The following PKP4 variants were observed in gnomAD, a reference collection of about 807,000 sequenced individuals.
PKP4 encodes the protein plakophilin-4.
In PKP4, 90 loss-of-function variants were observed where a neutral mutation model predicts 145.1. The observed-to-expected ratio is 0.62, with a 90% CI of 0.52 to 0.74. The LOEUF (loss-of-function observed/expected upper bound fraction) is 0.74. Ranked by LOEUF, PKP4 falls within the 30% of genes least tolerant of loss-of-function variation. PKP4 has a pLI of 0.00. For missense variants in PKP4, 1,340 were observed against 1,482.7 expected, an observed-to-expected ratio of 0.90 and a Z score of 1.58; for synonymous variants, 563 against 577.2, an observed-to-expected ratio of 0.98 and a Z score of 0.35.
At chr2:158,531,708 C>T (rs2043561736) in intron 1 of PKP4, among the ~76,000 whole-genome samples, 1 of 152,122 alleles carries the variant, frequency 6.6e-6, no homozygotes, top group Non-Finnish European at 1.5e-5. Context: ...GAAACTCCCC[C>T]CAGGGCACTT....
At chr2:158,459,298 T>C (rs1199966720) in intron 1 of PKP4, among the ~76,000 whole-genome samples, 1 of 152,250 alleles carries the variant, frequency 6.6e-6, no homozygotes, top group Non-Finnish European at 1.5e-5. Flanking sequence ...ACAATTTGCT[T>C]TGCAGGTTGC....
At chr2:158,607,680 C>T (rs1247451672) in intron 4 of PKP4, among the ~76,000 whole-genome samples, 2 of 152,074 alleles carry the variant, frequency 1.3e-5, no homozygotes, top group South Asian at 2.1e-4. Flanking sequence ...CTGATTTCCC[C>T]ATGCAATTTT....
chr2:158,678,615 C>G lies in PKP4; in HGVS notation c.3291C>G (p.Ser1097=), dbSNP rs1490052649. ...AACCTTCACCAATTTACATCAGTTC[C>G]TATTCCTCACCAGCAAGAGAACAAA... ...SSKPSPIYIS[S]YSSPAREQNR... Residue 1097 remains serine, a synonymous_variant, in exon 21 of 22, where the codon TCC becomes TCG. Coordinates refer to ENST00000389759, the MANE Select transcript of PKP4 (RefSeq NM_003628.6). 10 of 1,611,128 alleles carry G rather than the reference C, an allele frequency of 6.2e-6. No individual in the cohort carries two copies. The highest frequency in any genetic ancestry group is 8.5e-6 in the Non-Finnish European group (10 of 1,177,244).
chr2:158,665,276 A>C (rs1163086897), intron 15 of PKP4, among the ~76,000 whole-genome samples: 1 of 152,162 alleles, frequency 6.6e-6, no homozygotes, highest in East Asian at 1.9e-4. Context: ...AAGTTCATAA[A>C]ACTGCCTGAG....
At chr2:158,606,990 A>C (rs571607994) in intron 4 of PKP4, among the ~76,000 whole-genome samples, 1 of 152,258 alleles carries the variant, frequency 6.6e-6, no homozygotes, top group Middle Eastern at 3.4e-3. Flanking sequence ...CTTATTTTTT[A>C]CTATTTTAAA....
intron 4 of PKP4, among the ~76,000 whole-genome samples, chr2:158,613,959 A>C (rs1365430067): frequency 6.6e-6 from 1 of 152,220 alleles, no homozygotes; most frequent in East Asian, 1.9e-4. Flanking sequence ...AAATGAAGGA[A>C]TGGGTGCCCC....
chr2:158,591,146 G>A (rs1171650657), intron 3 of PKP4, among the ~76,000 whole-genome samples: 3 of 151,946 alleles, frequency 2.0e-5, no homozygotes, highest in Non-Finnish European at 2.9e-5. Flanking sequence ...AGAAGAGAGG[G>A]GGAGGTAAAA....
chr2:158,508,380 A>C (rs1159516616), intron 1 of PKP4, among the ~76,000 whole-genome samples: 1 of 139,236 alleles, frequency 7.2e-6, no homozygotes, highest in Non-Finnish European at 1.5e-5. Flanking sequence ...AAAAAAAAAA[A>C]AAAAAAAAGA....
intron 1 of PKP4, among the ~76,000 whole-genome samples, chr2:158,511,576 A>G (rs1242824082): frequency 6.6e-6 from 1 of 152,194 alleles, no homozygotes; most frequent in African/African-American, 2.4e-5. Context: ...TTAATCTAGT[A>G]TTTAACTGAT....
chr2:158,629,011 T>C (rs1200810084), intron 7 of PKP4, among the ~76,000 whole-genome samples: 1 of 152,218 alleles, frequency 6.6e-6, no homozygotes, highest in Non-Finnish European at 1.5e-5. Context: ...GTCTGCTTTA[T>C]GTCACTGTTA....
intron 15 of PKP4, chr2:158,665,871 A>G (rs1325925564): frequency 6.6e-6 from 1 of 152,246 alleles, no homozygotes; most frequent in African/African-American, 2.4e-5. Context: ...TGTATGAATT[A>G]TGATGCTGGA....
At chr2:158,600,112 G>A (rs909837778) in intron 3 of PKP4, among the ~76,000 whole-genome samples, 26 of 152,230 alleles carry the variant, frequency 1.7e-4, no homozygotes, top group South Asian at 6.2e-4. Context: ...CTGATTTTTC[G>A]TATTAAAATG....
rs148419797 is a variant in PKP4, at chr2:158,597,617, G to T, written c.246-5453G>T. Among the ~76,000 whole-genome samples the T allele has an allele frequency of 3.3e-3, 509 of 152,298 alleles. 3 individuals are homozygous for T. Among genetic ancestry groups the T allele is most frequent in the African/African-American group, 0.012 (489 of 41,568 alleles). ...GAGAGAAGGCTATAGATGGTACATA[G>T]TCTAGACAGTGGGACACACCCATGC... On this transcript the variant is annotated intron_variant, in intron 3 of 21. Coordinates refer to ENST00000389759, the MANE Select transcript of PKP4 (RefSeq NM_003628.6).
intron 3 of PKP4, among the ~76,000 whole-genome samples, chr2:158,587,200 G>T (rs937664830): frequency 1.3e-5 from 2 of 152,022 alleles, no homozygotes; most frequent in Non-Finnish European, 2.9e-5. Flanking sequence ...TAAAATGGAG[G>T]CACCTCAGCT....
At chr2:158,655,276 C>T (rs190041954) in intron 11 of PKP4, among the ~76,000 whole-genome samples, 4 of 152,184 alleles carry the variant, frequency 2.6e-5, no homozygotes, top group African/African-American at 7.2e-5. Flanking sequence ...TTCTGAATGC[C>T]TGGGAAGAAA....
intron 1 of PKP4, among the ~76,000 whole-genome samples, chr2:158,516,868 G>T (rs2041982986): frequency 6.6e-6 from 1 of 151,796 alleles, no homozygotes; most frequent in Admixed American, 6.6e-5. Context: ...TCACTGTGTT[G>T]GCCAGGCTGG....
intron 4 of PKP4, among the ~76,000 whole-genome samples, chr2:158,610,161 GTTTA>G (rs769005432): frequency 5.3e-5 from 8 of 152,092 alleles, no homozygotes; most frequent in Admixed American, 1.3e-4. Flanking sequence ...ATGAGGAGCA[GTTTA>G]TTTATGTTTC....
At chr2:158,533,387 G>C in intron 2 of PKP4, 71 bp downstream of exon 2, 2 of 1,559,066 alleles carry the variant, frequency 1.3e-6, no homozygotes, top group Admixed American at 3.4e-5. Context: ...CTTTGGATAT[G>C]TTTTAAATTT....
chr2:158,652,429 C>T (rs111349880), intron 11 of PKP4, among the ~76,000 whole-genome samples: 90 of 152,182 alleles, frequency 5.9e-4, no homozygotes, highest in African/African-American at 2.0e-3. Context: ...ACTCTCGTCC[C>T]AAGAAAAAGC....
Sources: gnomAD v4.1 joint callset for allele counts (sites outside exome capture counted in the v4.1 genomes callset) on GRCh38, gnomAD v4.1.1 for gene constraint, MANE v1.5 for transcripts, NCBI Gene and HGNC (gene_info 2026-07-23, HGNC 2026-07-21) for gene names.